FRMPD1: variants seen among roughly 807,000 people sequenced by gnomAD.
The protein encoded by FRMPD1 is FERM and PDZ domain-containing protein 1.
Under a neutral mutation model 117.8 loss-of-function variants are expected in FRMPD1, and 76 were observed. That is an observed-to-expected ratio of 0.65 (90% CI 0.54 to 0.78). The LOEUF (loss-of-function observed/expected upper bound fraction) is 0.78. Among genes scored for constraint, FRMPD1 ranks in the 30% least tolerant of loss-of-function variants. The pLI, the probability that FRMPD1 is intolerant of heterozygous loss-of-function variation, is 0.00. For missense variants in FRMPD1, 1,786 were observed against 1,964.5 expected (o/e 0.91, Z 1.72); for synonymous variants, 783 against 770.4 (o/e 1.02, Z -0.27).
At chr9:37,666,626 T>G (rs1821168431) in intron 1 of FRMPD1, among the ~76,000 whole-genome samples, 1 of 152,160 alleles carries the variant, frequency 6.6e-6, no homozygotes, top group African/African-American at 2.4e-5. Context: ...CTCACTCTAC[T>G]TTATCCACAG....
intron 1 of FRMPD1, among the ~76,000 whole-genome samples, chr9:37,676,293 G>T (rs749037045): frequency 2.0e-5 from 3 of 152,120 alleles, no homozygotes; most frequent in Non-Finnish European, 4.4e-5. Context: ...CCTAGAGCTC[G>T]TGTCTCGGGG....
At chr9:37,607,467 C>T in the FRMPD1 span, among the ~76,000 whole-genome samples, 14 of 152,246 alleles carry the variant, frequency 9.2e-5, no homozygotes, top group East Asian at 2.1e-3. Flanking sequence ...GGGGAAAAAG[C>T]GCCTCCTTTG....
the FRMPD1 span, among the ~76,000 whole-genome samples, chr9:37,624,683 A>G: frequency 5.3e-4 from 80 of 152,324 alleles, no homozygotes; most frequent in African/African-American, 1.9e-3. Flanking sequence ...AGAAAATGAG[A>G]TACAGGAATA....
chr9:37,655,520 T>G (rs1820815210), intron 1 of FRMPD1, among the ~76,000 whole-genome samples: 2 of 128,344 alleles, frequency 1.6e-5, no homozygotes, highest in South Asian at 5.1e-4. Context: ...TTTTTTTTTT[T>G]TGAGATGGAG....
upstream of FRMPD1, among the ~76,000 whole-genome samples, chr9:37,647,336 C>T (rs1219037811): frequency 2.0e-5 from 3 of 151,680 alleles, no homozygotes; most frequent in African/African-American, 7.3e-5. Flanking sequence ...AGTGAAACCC[C>T]GTCTCTACTA....
At chr9:37,614,569 T>C in the FRMPD1 span, among the ~76,000 whole-genome samples, 1 of 152,348 alleles carries the variant, frequency 6.6e-6, no homozygotes, top group South Asian at 2.1e-4. Flanking sequence ...CAGTGGGGCA[T>C]TACCTTAATG....
the FRMPD1 span, among the ~76,000 whole-genome samples, chr9:37,615,027 A>G: frequency 6.6e-6 from 1 of 152,098 alleles, no homozygotes; most frequent in South Asian, 2.1e-4. Context: ...AATTACCCAA[A>G]TCTCCTTCTT....
chr9:37,609,179 C>G, the FRMPD1 span, among the ~76,000 whole-genome samples: 1 of 152,034 alleles, frequency 6.6e-6, no homozygotes, highest in Non-Finnish European at 1.5e-5. Flanking sequence ...GTAATCCCAG[C>G]TACTTGGGAG....
At chr9:37,628,050 C>T in the FRMPD1 span, among the ~76,000 whole-genome samples, 53 of 152,302 alleles carry the variant, frequency 3.5e-4, no homozygotes, top group African/African-American at 1.2e-3. Context: ...AAAAGGAAAA[C>T]CCAGTACTGG....
rs749038463 is a variant in FRMPD1 at position 37,746,452 on chromosome 9, C to T, written c.4420C>T (p.Arg1474Trp). The T allele has an allele frequency of 1.8e-5, 29 of 1,613,702 alleles. No individual in the cohort carries two copies. Among genetic ancestry groups the T allele is most frequent in the South Asian group, 2.2e-5 (2 of 91,082 alleles). ...CTCCCAGAAGCTCCTGTCGAGCTGT[C>T]GGCATGTGATCAGAATGGACCAGTC... ...MGSQKLLSSC[R>W]HVIRMDQSPE... Residue 1474 changes from arginine (R) to tryptophan (W), a missense_variant, in exon 16 of 16, where the codon CGG (arginine) becomes TGG (tryptophan). Transcript: ENST00000377765.
At chr9:37,709,670 A>G (rs1165832353) in intron 4 of FRMPD1, among the ~76,000 whole-genome samples, 1 of 152,190 alleles carries the variant, frequency 6.6e-6, no homozygotes, top group Non-Finnish European at 1.5e-5. Context: ...GGGCCCAGAA[A>G]TATTTCAGTT....
chr9:37,661,358 G>A (rs1820996996), intron 1 of FRMPD1, among the ~76,000 whole-genome samples: 1 of 152,136 alleles, frequency 6.6e-6, no homozygotes, highest in Admixed American at 6.6e-5. Flanking sequence ...GATTATCTGT[G>A]CATGTTAAGC....
the FRMPD1 span, among the ~76,000 whole-genome samples, chr9:37,614,010 C>T: frequency 1.3e-5 from 2 of 152,172 alleles, no homozygotes; most frequent in East Asian, 3.8e-4. Context: ...AATCTGACTT[C>T]CCAGGAAGAT....
At chr9:37,638,001 T>TC in the FRMPD1 span, among the ~76,000 whole-genome samples, 1 of 126,724 alleles carries the variant, frequency 7.9e-6, no homozygotes, top group Non-Finnish European at 1.7e-5. Flanking sequence ...TCTTTCTTTC[T>TC]TTCTTTCTTT....
At chr9:37,645,409 C>T in the FRMPD1 span, among the ~76,000 whole-genome samples, 1 of 151,898 alleles carries the variant, frequency 6.6e-6, no homozygotes, top group Non-Finnish European at 1.5e-5. Context: ...GCAGAGAATG[C>T]GATTAGGAAC....
the FRMPD1 span, among the ~76,000 whole-genome samples, chr9:37,640,077 C>CT: frequency 6.6e-6 from 1 of 152,150 alleles, no homozygotes; most frequent in African/African-American, 2.4e-5. Flanking sequence ...TACCTCTGGC[C>CT]TCAAGCAAAT....
chr9:37,738,627 C>A (rs528678077), intron 14 of FRMPD1, among the ~76,000 whole-genome samples: 1 of 152,146 alleles, frequency 6.6e-6, no homozygotes, highest in Non-Finnish European at 1.5e-5. Context: ...GCATGAGCCA[C>A]GGCGCCCAGC....
intron 14 of FRMPD1, among the ~76,000 whole-genome samples, chr9:37,737,963 T>C (rs1224684857): frequency 6.6e-6 from 1 of 152,216 alleles, no homozygotes; most frequent in Non-Finnish European, 1.5e-5. Flanking sequence ...ATAAAAGAAC[T>C]TCTCTGCAAG....
At chr9:37,667,667 GA>G (rs1308027815) in intron 1 of FRMPD1, among the ~76,000 whole-genome samples, 2 of 147,396 alleles carry the variant, frequency 1.4e-5, no homozygotes, top group Non-Finnish European at 3.0e-5. Context: ...TTGGGTGACA[GA>G]GGGAGACTCT....
Sources: gnomAD v4.1 joint callset for allele counts (sites outside exome capture counted in the v4.1 genomes callset) on GRCh38, gnomAD v4.1.1 for gene constraint, MANE v1.5 for transcripts, NCBI Gene and HGNC (gene_info 2026-07-23, HGNC 2026-07-21) for gene names.